Variants in TCF4 observed in about 807,000 individuals in gnomAD.
TCF4 encodes SL3-3 enhancer factor 2.
Under a neutral mutation model 82.1 loss-of-function variants are expected in TCF4, and 3 were observed. The observed-to-expected ratio is 0.04, with a 90% CI of 0.02 to 0.09. The LOEUF is 0.09. Among genes scored for constraint, TCF4 ranks in the 10% least tolerant of loss-of-function variants. TCF4 has a pLI of 1.00. For synonymous variants in TCF4, 276 were observed against 309.6 expected (o/e 0.89, Z 1.14); for missense variants, 518 against 852.7 (o/e 0.61, Z 4.89).
At chr18:55,255,075 A>C (rs1050416794) in intron 14 of TCF4, among the ~76,000 whole-genome samples, 7 of 152,180 alleles carry the variant, frequency 4.6e-5, no homozygotes, top group Admixed American at 4.6e-4. Flanking sequence ...TTAAACAATT[A>C]CCACTGGAAA....
intron 3 of TCF4, among the ~76,000 whole-genome samples, chr18:55,511,288 G>C (rs1193587831): frequency 7.6e-6 from 1 of 131,868 alleles, no homozygotes; most frequent in African/African-American, 2.9e-5. Context: ...TTTATTTTTG[G>C]ATTTGCAACT....
intron 17 of TCF4, chr18:55,231,883 G>C (rs754284484): frequency 6.6e-6 from 1 of 152,288 alleles, no homozygotes. Context: ...CAAAGTACAC[G>C]GGTGTTGGTA....
intron 3 of TCF4, among the ~76,000 whole-genome samples, chr18:55,565,566 T>C (rs925973179): frequency 2.6e-5 from 4 of 152,090 alleles, no homozygotes; most frequent in Non-Finnish European, 4.4e-5. Flanking sequence ...ATAGATTCAA[T>C]ACCCACCAGA....
chr18:55,263,417 T>G (rs1273025899), intron 11 of TCF4, among the ~76,000 whole-genome samples: 1 of 152,082 alleles, frequency 6.6e-6, no homozygotes, highest in Non-Finnish European at 1.5e-5. Flanking sequence ...TTATATCTAG[T>G]GTGAAAATGA....
chr18:55,275,531 G>C, intron 10 of TCF4, 88 bp downstream of exon 10: 2 of 1,571,726 alleles, frequency 1.3e-6, no homozygotes, highest in Non-Finnish European at 1.7e-6. Context: ...CTTATTTGCA[G>C]AGTCCTTGTG....
chr18:55,391,695 G>A (rs909794823), intron 6 of TCF4, among the ~76,000 whole-genome samples: 1 of 151,936 alleles, frequency 6.6e-6, no homozygotes, highest in Admixed American at 6.6e-5. Flanking sequence ...CACTTTGGGA[G>A]GCCGAGGTGG....
At chr18:55,414,421 T>C (rs568999645) in intron 5 of TCF4, among the ~76,000 whole-genome samples, 2 of 152,286 alleles carry the variant, frequency 1.3e-5, no homozygotes, top group African/African-American at 4.8e-5. Flanking sequence ...GGCTTTTGCT[T>C]ACAAATTAGA....
intron 5 of TCF4, chr18:55,422,560 G>A: frequency 1.4e-6 from 1 of 730,778 alleles, no homozygotes; most frequent in Non-Finnish European, 1.7e-6. Flanking sequence ...TGGAAATTTA[G>A]GGGGGTGGTT....
intron 2 of TCF4, among the ~76,000 whole-genome samples, chr18:55,611,561 C>CATA (rs1176010634): frequency 1.3e-5 from 2 of 152,082 alleles, no homozygotes; most frequent in Non-Finnish European, 2.9e-5. Flanking sequence ...TAACAAAAAG[C>CATA]ATAACATTGC....
intron 3 of TCF4, among the ~76,000 whole-genome samples, chr18:55,582,659 C>T (rs2097586276): frequency 6.6e-6 from 1 of 152,062 alleles, no homozygotes; most frequent in African/African-American, 2.4e-5. Context: ...TCTCACATTG[C>T]AAATCACTAT....
chr18:55,324,015 T>C (rs2076149150), intron 8 of TCF4, among the ~76,000 whole-genome samples: 1 of 152,230 alleles, frequency 6.6e-6, no homozygotes, highest in South Asian at 2.1e-4. Context: ...TGAGCTACAA[T>C]TCCTATTTTT....
At chr18:55,335,854 A>G (rs1009921694) in intron 8 of TCF4, among the ~76,000 whole-genome samples, 1 of 152,170 alleles carries the variant, frequency 6.6e-6, no homozygotes, top group South Asian at 2.1e-4. Context: ...TTTGTTGTGT[A>G]CTATAAATTT....
chr18:55,470,196 G>A (rs980667723), intron 3 of TCF4, among the ~76,000 whole-genome samples: 6 of 152,154 alleles, frequency 3.9e-5, no homozygotes, highest in Non-Finnish European at 7.3e-5. Context: ...ACTTAGGAAA[G>A]TACTTGATCC....
chr18:55,621,081 G>A (rs1700841108), intron 2 of TCF4, among the ~76,000 whole-genome samples: 3 of 151,874 alleles, frequency 2.0e-5, no homozygotes, highest in Non-Finnish European at 4.4e-5. Context: ...TATCTATAAT[G>A]TTGATTCTAA....
At chr18:55,473,108 A>G (rs777257061) in intron 3 of TCF4, among the ~76,000 whole-genome samples, 60 of 152,326 alleles carry the variant, frequency 3.9e-4, no homozygotes, top group Middle Eastern at 3.4e-3. Flanking sequence ...GGTATTTAAA[A>G]TGCCTATTTG....
chr18:55,430,922 G>C (rs546130746), intron 5 of TCF4, among the ~76,000 whole-genome samples: 3 of 152,094 alleles, frequency 2.0e-5, no homozygotes, highest in Non-Finnish European at 4.4e-5. Flanking sequence ...ATCACATTTC[G>C]CCGAGAAACC....
At chr18:55,276,641 C>T (rs2061544425) in intron 9 of TCF4, among the ~76,000 whole-genome samples, 1 of 152,156 alleles carries the variant, frequency 6.6e-6, no homozygotes, top group Non-Finnish European at 1.5e-5. Context: ...AGATGATCTA[C>T]ATTACTGCTA....
At chr18:55,499,264 C>A (rs929690131) in intron 3 of TCF4, among the ~76,000 whole-genome samples, 1 of 152,116 alleles carries the variant, frequency 6.6e-6, no homozygotes, top group South Asian at 2.1e-4. Flanking sequence ...TCATGCTATA[C>A]CAACACATCT....
At chr18:55,354,349 G>A (rs953756456) in intron 6 of TCF4, among the ~76,000 whole-genome samples, 6 of 152,032 alleles carry the variant, frequency 3.9e-5, no homozygotes, top group Non-Finnish European at 7.4e-5. Flanking sequence ...GTTTTACATC[G>A]GATTTGTTTG....
Sources: gnomAD v4.1 joint callset for allele counts (sites outside exome capture counted in the v4.1 genomes callset) on GRCh38, gnomAD v4.1.1 for gene constraint, MANE v1.5 for transcripts, NCBI Gene and HGNC (gene_info 2026-07-23, HGNC 2026-07-21) for gene names.